Variants in ATP10B observed in about 807,000 individuals in gnomAD.
ATP10B encodes the protein phospholipid-transporting ATPase VB.
In ATP10B, 122 loss-of-function variants were observed where a neutral mutation model predicts 141.2. The ratio of observed to expected loss-of-function variants is 0.86; its 90% confidence interval spans 0.75 to 1.00. ATP10B has a LOEUF of 1.00. Among genes scored for constraint, ATP10B ranks in the 50% least tolerant of loss-of-function variants. The pLI is 0.00. For missense variants in ATP10B, 1,876 were observed against 1,825.3 expected, an observed-to-expected ratio of 1.03 and a Z score of -0.51; for synonymous variants, 685 against 692.0, an observed-to-expected ratio of 0.99 and a Z score of 0.16.
At chr5:160,725,170 G>A (rs571919918) in intron 2 of ATP10B, among the ~76,000 whole-genome samples, 20 of 152,312 alleles carry the variant, frequency 1.3e-4, no homozygotes, top group Admixed American at 1.2e-3. Flanking sequence ...GAGAAAGAAT[G>A]ACTGCAAAAT....
chr5:160,573,769 G>T (rs1355036704), intron 24 of ATP10B, among the ~76,000 whole-genome samples: 2 of 152,018 alleles, frequency 1.3e-5, no homozygotes, highest in East Asian at 1.9e-4. Flanking sequence ...TGCCAAAAAG[G>T]TTGGGGACCA....
intron 24 of ATP10B, among the ~76,000 whole-genome samples, chr5:160,578,240 A>C (rs1417208335): frequency 6.6e-6 from 1 of 152,132 alleles, no homozygotes; most frequent in Admixed American, 6.6e-5. Context: ...CTACATGTGC[A>C]GAATGTGCAG....
intron 9 of ATP10B, among the ~76,000 whole-genome samples, chr5:160,643,244 T>C (rs1760010185): frequency 1.3e-5 from 2 of 152,202 alleles, no homozygotes; most frequent in Non-Finnish European, 2.9e-5. Flanking sequence ...TAAATGCTTT[T>C]CTATGTCCAT....
the ATP10B span, among the ~76,000 whole-genome samples, chr5:160,871,575 C>A: frequency 1.3e-5 from 2 of 152,116 alleles, no homozygotes; most frequent in Non-Finnish European, 2.9e-5. Context: ...TATACCATTG[C>A]ATTCTCATAG....
chr5:160,569,497 T>C lies in ATP10B; in HGVS notation c.3937A>G (p.Arg1313Gly). The part of the protein sequence containing the change: ...FLTPVVALLP[R>G]YFFLSLQGTC... ...GAAACACAGCCCTAGTGCTCAAACC[T>C]TGGGAGAAGAGCAACAACTGGTGTG... Residue 1313 changes from arginine to glycine, a missense_variant and splice_region_variant, in exon 25 of 26, where the codon AGA becomes GGA. Physicochemically the swap from Arg to Gly is moderately radical, Grantham distance 125 (BLOSUM62 -2). Coordinates refer to ENST00000327245, the MANE Select transcript of ATP10B (RefSeq NM_025153.3). The C allele has an allele frequency of 1.2e-6, 2 of 1,613,628 alleles. No individual in the cohort carries two copies. The highest frequency in any genetic ancestry group is 1.1e-5 in the South Asian group (1 of 91,060).
intron 7 of ATP10B, among the ~76,000 whole-genome samples, chr5:160,653,568 C>CATATACATATATACAT (rs1193180455): frequency 1.2e-4 from 9 of 72,132 alleles, no homozygotes; most frequent in East Asian, 6.9e-4. Flanking sequence ...ATATATATTA[C>CATATACATATATACAT]ATATACATAT....
chr5:160,585,963 A>T (rs539760999), intron 24 of ATP10B, among the ~76,000 whole-genome samples: 3 of 152,184 alleles, frequency 2.0e-5, no homozygotes, highest in Non-Finnish European at 4.4e-5. Flanking sequence ...GCAGGATTTT[A>T]AAAAATTTTT....
intron 13 of ATP10B, among the ~76,000 whole-genome samples, chr5:160,630,022 C>T (rs528272147): frequency 1.2e-4 from 19 of 152,314 alleles, no homozygotes; most frequent in African/African-American, 4.3e-4. Flanking sequence ...AAAACCAGAA[C>T]CTCCATTTCC....
the ATP10B span, among the ~76,000 whole-genome samples, chr5:160,880,985 C>T: frequency 1.3e-5 from 2 of 152,052 alleles, no homozygotes; most frequent in Non-Finnish European, 2.9e-5. Context: ...AAGACAACAT[C>T]AAGAGAATGA....
At chr5:160,682,578 G>C (rs1581347231) in intron 6 of ATP10B, among the ~76,000 whole-genome samples, 1 of 152,084 alleles carries the variant, frequency 6.6e-6, no homozygotes, top group South Asian at 2.1e-4. Context: ...ATGATTCTGC[G>C]ATATTCTGGC....
chr5:160,922,723 G>C, the ATP10B span, among the ~76,000 whole-genome samples: 4 of 152,200 alleles, frequency 2.6e-5, no homozygotes, highest in African/African-American at 9.7e-5. Context: ...TACTGATTCA[G>C]TGAATATATC....
intron 8 of ATP10B, among the ~76,000 whole-genome samples, chr5:160,646,700 T>C (rs1246289860): frequency 6.6e-6 from 1 of 152,192 alleles, no homozygotes; most frequent in Non-Finnish European, 1.5e-5. Context: ...GTTTCAAGAA[T>C]AATTTTAGGA....
At position 160,776,877 on chromosome 5, in the gene ATP10B, C is replaced by T. The variant is rs184500552; in HGVS notation, c.-331+8682G>A. 1.3e-4 allele frequency among the ~76,000 whole-genome samples: 20 copies of T among 152,274 alleles called. No individual in the cohort carries two copies. In the East Asian group the frequency reaches 1.4e-3, roughly 10 times the overall value. ...TGATTTAAAAATTGAAGCAAACACA[C>T]GTCTTCAGAATGATTTTAGTCGGAC... On this transcript the variant is annotated intron_variant, in intron 2 of 25. Coordinates refer to ENST00000327245, the MANE Select transcript of ATP10B (RefSeq NM_025153.3).
rs1180164554 is a variant in ATP10B at position 160,687,842 on chromosome 5, A to G, written c.233T>C (p.Leu78Pro). ...GNRTCTTKYT[L>P]FTFLPRNLFE... ...GAGATTCCGGGGCAGGAAGGTGAAGAGGGTGTATTTGGTTGTGCAGGTTCT... is the reference window on the plus strand; with the variant it reads ...GAGATTCCGGGGCAGGAAGGTGAAGGGGGTGTATTTGGTTGTGCAGGTTCT... Residue 78 changes from leucine to proline, a missense_variant, in exon 5 of 26, where the codon CTC (leucine) becomes CCC (proline). By Grantham distance (98) the Leu-to-Pro change is moderately conservative (BLOSUM62 -3). Transcript: ENST00000327245. 6.2e-7 allele frequency: 1 copy of G among 1,614,096 alleles called. No homozygotes were observed. The highest frequency in any genetic ancestry group is 8.5e-7 in the Non-Finnish European group (1 of 1,180,022).
the ATP10B span, among the ~76,000 whole-genome samples, chr5:160,899,560 G>A: frequency 8.6e-5 from 13 of 151,892 alleles, no homozygotes; most frequent in South Asian, 2.1e-4. Context: ...AGTATAATAC[G>A]TGCAATTATA....
In ATP10B at chr5:160,834,477, G is replaced by A. The variant is rs79461935; in HGVS notation, c.-576+17464C>T. 6.0e-3 allele frequency among the ~76,000 whole-genome samples: 915 copies of A among 152,248 alleles called. 13 individuals carry two copies. The highest frequency in any genetic ancestry group is 0.021 in the African/African-American group (871 of 41,544). ...GGGCTGCATGAGGCAGATATAAATA[G>A]AGGTTGATTTTACATATATCATTAA... On this transcript the variant is annotated intron_variant, in intron 1 of 25. Transcript: ENST00000327245.
chr5:160,866,915 T>C, the ATP10B span, among the ~76,000 whole-genome samples: 1 of 151,942 alleles, frequency 6.6e-6, no homozygotes, highest in Non-Finnish European at 1.5e-5. Flanking sequence ...TGTGAACAAA[T>C]AAAGGGCTTC....
At chr5:160,569,042 C>T (rs532316360) in intron 25 of ATP10B, among the ~76,000 whole-genome samples, 69 of 152,272 alleles carry the variant, frequency 4.5e-4, no homozygotes, top group Non-Finnish European at 2.9e-5. Flanking sequence ...TTGATCTTTC[C>T]TTGTGGCCAT....
At chr5:160,731,992 C>T (rs1766777252) in intron 2 of ATP10B, among the ~76,000 whole-genome samples, 1 of 152,054 alleles carries the variant, frequency 6.6e-6, no homozygotes, top group Non-Finnish European at 1.5e-5. Context: ...ACAGGTAAGA[C>T]CCCCAAAAAT....
Sources: allele counts gnomAD v4.1 joint callset (sites outside exome capture counted in the v4.1 genomes callset), GRCh38; gene constraint gnomAD v4.1.1; transcripts MANE v1.5; gene names NCBI Gene and HGNC (gene_info 2026-07-23, HGNC 2026-07-21).